SEM1: variants seen among roughly 807,000 people sequenced by gnomAD.
The protein encoded by SEM1 is SEM1 26S proteasome subunit, also known as 26S proteasome complex subunit SEM1.
Under a neutral mutation model 12.7 loss-of-function variants are expected in SEM1, and 3 were observed. The ratio of observed to expected loss-of-function variants is 0.24; its 90% confidence interval spans 0.11 to 0.61. The LOEUF is 0.61. Among genes scored for constraint, SEM1 ranks in the 20% least tolerant of loss-of-function variants. The pLI is 0.88. For synonymous variants in SEM1, 30 were observed against 27.8 expected (o/e 1.08, Z -0.25); for missense variants, 59 against 81.3 (o/e 0.73, Z 1.06).
intron 2 of SEM1, among the ~76,000 whole-genome samples, chr7:96,573,217 C>T (rs1184740119): frequency 1.3e-5 from 2 of 151,704 alleles, no homozygotes; most frequent in Non-Finnish European, 2.9e-5. Context: ...ATATAGCACA[C>T]TGATGGGTCT....
At chr7:96,511,313 A>C (rs1803927527) in intron 2 of SEM1, among the ~76,000 whole-genome samples, 1 of 152,138 alleles carries the variant, frequency 6.6e-6, no homozygotes, top group African/African-American at 2.4e-5. Context: ...AGTCCAATCG[A>C]GTGGAGAGAA....
intron 2 of SEM1, among the ~76,000 whole-genome samples, chr7:96,575,160 C>T (rs959508545): frequency 5.3e-5 from 8 of 152,032 alleles, no homozygotes; most frequent in Admixed American, 5.2e-4. Flanking sequence ...TGTGGATGTC[C>T]TCTTTGTTGA....
chr7:96,622,366 C>A, downstream of SEM1: 1 of 496,664 alleles, frequency 2.0e-6, no homozygotes, highest in South Asian at 3.8e-5. Context: ...TATTTCAGAG[C>A]TTTGAGACAC....
At chr7:96,667,375 T>C (rs1050926894) in intron 2 of SEM1, among the ~76,000 whole-genome samples, 1 of 152,208 alleles carries the variant, frequency 6.6e-6, no homozygotes, top group Non-Finnish European at 1.5e-5. Context: ...GCAAGTTAGC[T>C]GCCCTTGTCT....
At position 96,709,575 on chromosome 7, in the gene SEM1, G is replaced by T. The variant is rs1215057192; in HGVS notation, c.76+113C>A. 2.8e-5 allele frequency: 27 copies of T among 957,102 alleles called. No homozygotes were observed. In the East Asian group the frequency reaches 6.1e-4, roughly 22 times the overall value. The allele number at this position is 957,102 out of a possible 1,614,324, so 59.3% of individuals were successfully genotyped here. A position where few individuals can be genotyped will look rare whatever the true frequency, so the allele number is the denominator to read the frequency against. On this transcript the variant is annotated intron_variant, in intron 1 of 2. Transcript: ENST00000248566. ...GTTAGCGCCTCGAGTGCCGGCCCTG[G>T]GAGTCCAAACTTCCCGCCGGTGCCC...
intron 2 of SEM1, among the ~76,000 whole-genome samples, chr7:96,613,135 G>T (rs922247056): frequency 1.3e-5 from 2 of 152,118 alleles, no homozygotes; most frequent in African/African-American, 4.8e-5. Flanking sequence ...ACCTTTTGGG[G>T]TTGTTAAATT....
intron 2 of SEM1, among the ~76,000 whole-genome samples, chr7:96,614,058 T>C (rs1807629372): frequency 2.0e-5 from 3 of 152,262 alleles, no homozygotes. Flanking sequence ...TTTGGATATA[T>C]GTGCAGAAGT....
At chr7:96,518,010 A>C (rs985623657) in intron 2 of SEM1, among the ~76,000 whole-genome samples, 2 of 152,158 alleles carry the variant, frequency 1.3e-5, no homozygotes, top group African/African-American at 4.8e-5. Flanking sequence ...ATTAGGCCAG[A>C]TGATACAAGG....
At chr7:96,645,751 A>G in intron 2 of SEM1, 2 of 398,310 alleles carry the variant, frequency 5.0e-6, no homozygotes, top group Non-Finnish European at 8.9e-6. Flanking sequence ...TACATGACCC[A>G]TGCCGGATAG....
Position 96,583,459 on chromosome 7 carries a change from G to A in SEM1, c.171-76761C>T, listed in dbSNP as rs573114669. ...AAAATGTATATTCTGTTGATTTGGG[G>A]TGGAGAGTTCTGTAGATGTCTATTA... On this transcript the variant is annotated intron_variant and NMD_transcript_variant, in intron 2 of 3. Transcript: ENST00000466986. Among the ~76,000 whole-genome samples, 19 of 148,070 alleles carry A rather than the reference G, an allele frequency of 1.3e-4. 1 individual carries two copies. In the South Asian group the frequency reaches 3.5e-3, roughly 27 times the overall value.
intron 1 of SEM1, among the ~76,000 whole-genome samples, chr7:96,698,793 C>G (rs1790178874): frequency 6.6e-6 from 1 of 152,110 alleles, no homozygotes; most frequent in Non-Finnish European, 1.5e-5. Context: ...AATGGGATTG[C>G]TGGGTCAAAT....
At chr7:96,499,152 G>T (rs992602935), upstream of SEM1, among the ~76,000 whole-genome samples, 1 of 151,712 alleles carries the variant, frequency 6.6e-6, no homozygotes, top group African/African-American at 2.4e-5. Flanking sequence ...AAATATTTCA[G>T]CTTCACAATT....
intron 2 of SEM1, among the ~76,000 whole-genome samples, chr7:96,512,951 T>G (rs1803977747): frequency 6.6e-6 from 1 of 152,136 alleles, no homozygotes; most frequent in African/African-American, 2.4e-5. Flanking sequence ...CATTACATAA[T>G]TAACACCATG....
intron 2 of SEM1, among the ~76,000 whole-genome samples, chr7:96,510,970 G>A (rs188754454): frequency 6.6e-6 from 1 of 152,210 alleles, no homozygotes; most frequent in East Asian, 1.9e-4. Context: ...TGAAGAGATT[G>A]CCTCTTCTAG....
intron 2 of SEM1, among the ~76,000 whole-genome samples, chr7:96,643,765 T>C (rs1405334388): frequency 6.6e-6 from 1 of 151,860 alleles, no homozygotes; most frequent in East Asian, 1.9e-4. Flanking sequence ...TGAGAACACA[T>C]GGACACAGGG....
chr7:96,617,549 C>T (rs1429354207), intron 2 of SEM1, among the ~76,000 whole-genome samples: 2 of 152,066 alleles, frequency 1.3e-5, no homozygotes, highest in Non-Finnish European at 2.9e-5. Flanking sequence ...TGCCTGATTG[C>T]TCTGGTGAGG....
intron 2 of SEM1, among the ~76,000 whole-genome samples, chr7:96,663,371 G>A (rs939588640): frequency 6.6e-6 from 1 of 152,226 alleles, no homozygotes; most frequent in Non-Finnish European, 1.5e-5. Flanking sequence ...GGGTTCCCCA[G>A]GAGGTAGATG....
At position 96,591,958 on chromosome 7, in the gene SEM1, G is replaced by A. The variant is rs549255763; in HGVS notation, c.171-85260C>T. The stretch of plus-strand genomic sequence containing the variant: ...GTGAGTTAACCTTGCTTTTTAGAGA[G>A]GGCACCTGCAGTTATCTTGGTGAGT... On this transcript the variant is annotated intron_variant and NMD_transcript_variant, in intron 2 of 3. Coordinates refer to the SEM1 transcript ENST00000466986. Among the ~76,000 whole-genome samples the A allele has an allele frequency of 3.3e-5, 5 of 152,054 alleles. No individual in the cohort carries two copies. In the South Asian group the frequency reaches 8.4e-4, roughly 25 times the overall value.
chr7:96,494,796 G>A (rs1803174891), intron 1 of SEM1, among the ~76,000 whole-genome samples: 1 of 149,898 alleles, frequency 6.7e-6, no homozygotes, highest in South Asian at 2.1e-4. Context: ...GATATTTCAG[G>A]CCATAGAAAT....
Sources: gnomAD v4.1 joint callset for allele counts (sites outside exome capture counted in the v4.1 genomes callset) on GRCh38, gnomAD v4.1.1 for gene constraint, MANE v1.5 for transcripts, NCBI Gene and HGNC (gene_info 2026-07-23, HGNC 2026-07-21) for gene names.